Variants in ERBB4 observed in about 807,000 individuals in gnomAD.
ERBB4 encodes receptor tyrosine-protein kinase erbB-4.
In ERBB4, 42 loss-of-function variants were observed where a neutral mutation model predicts 158.0. The observed-to-expected ratio is 0.27, with a 90% CI of 0.21 to 0.34. The LOEUF is 0.34. Ranked by LOEUF, ERBB4 falls within the 10% of genes least tolerant of loss-of-function variation. ERBB4 has a pLI of 1.00. For missense variants in ERBB4, 1,333 were observed against 1,624.1 expected, an observed-to-expected ratio of 0.82 and a Z score of 3.08; for synonymous variants, 583 against 558.7, an observed-to-expected ratio of 1.04 and a Z score of -0.61.
intron 3 of ERBB4, among the ~76,000 whole-genome samples, chr2:211,795,763 G>A (rs549692073): frequency 2.5e-4 from 38 of 151,808 alleles, no homozygotes; most frequent in African/African-American, 8.9e-4. Context: ...AATTATACTT[G>A]TATCTCGTTG....
At chr2:212,058,809 T>C (rs1369770855) in intron 2 of ERBB4, among the ~76,000 whole-genome samples, 2 of 152,108 alleles carry the variant, frequency 1.3e-5, no homozygotes, top group Non-Finnish European at 2.9e-5. Context: ...TAAGAGCTTT[T>C]TATGACAAAC....
chr2:212,321,509 C>A (rs1218405632), intron 1 of ERBB4, among the ~76,000 whole-genome samples: 2 of 150,364 alleles, frequency 1.3e-5, no homozygotes, highest in Non-Finnish European at 3.0e-5. Context: ...GGCAACATAG[C>A]AAGACTTCAT....
At chr2:211,850,820 T>G (rs1160100158) in intron 3 of ERBB4, among the ~76,000 whole-genome samples, 1 of 151,962 alleles carries the variant, frequency 6.6e-6, no homozygotes, top group Non-Finnish European at 1.5e-5. Context: ...CTATCTAAAA[T>G]TATTTTTCTT....
chr2:211,712,366 C>T (rs2106082328), intron 8 of ERBB4, among the ~76,000 whole-genome samples, 190 bp from the exon 9 acceptor site: 1 of 152,236 alleles, frequency 6.6e-6, no homozygotes, highest in East Asian at 1.9e-4. Flanking sequence ...GCTTTAAAAA[C>T]TTGTCCCTGC....
intron 3 of ERBB4, among the ~76,000 whole-genome samples, chr2:211,833,809 G>C (rs1048565699): frequency 4.0e-5 from 6 of 151,818 alleles, no homozygotes; most frequent in Non-Finnish European, 8.8e-5. Flanking sequence ...GATTAGACTA[G>C]ACCTGGTCAT....
intron 1 of ERBB4, among the ~76,000 whole-genome samples, chr2:212,417,405 T>C (rs1196536674): frequency 1.3e-5 from 2 of 151,974 alleles, no homozygotes; most frequent in Non-Finnish European, 2.9e-5. Flanking sequence ...AAATCTAAAA[T>C]CTGAAATGTT....
At chr2:211,676,278 C>G (rs2072067461) in intron 13 of ERBB4, among the ~76,000 whole-genome samples, 1 of 152,098 alleles carries the variant, frequency 6.6e-6, no homozygotes, top group Non-Finnish European at 1.5e-5. Context: ...TCAAACTAGC[C>G]CCATGCTTAT....
intron 1 of ERBB4, among the ~76,000 whole-genome samples, chr2:212,154,526 TA>T (rs1345937854): frequency 4.6e-5 from 7 of 152,108 alleles, no homozygotes; most frequent in Non-Finnish European, 1.0e-4. Context: ...ACTGACATGT[TA>T]AAATAGCACA....
At chr2:211,657,910 G>A in intron 15 of ERBB4, 82 bp from the exon 16 acceptor site, 1 of 1,607,262 alleles carries the variant, frequency 6.2e-7, no homozygotes, top group South Asian at 1.1e-5. Flanking sequence ...CACACATGGA[G>A]CCTTGGAGGA....
In ERBB4 at chr2:211,382,642, C is replaced by T. The variant is rs1039389703; in HGVS notation, c.*973G>A. On this transcript the variant is annotated 3_prime_UTR_variant, in exon 28 of 28. Transcript: ENST00000342788. ...ACCCCTGAAAGTATCAGTAGTTTTC[C>T]TGAACCACAGAGAACTGTCTCTTAG... 2.6e-5 allele frequency: 6 copies of T among 232,694 alleles called. No individual in the cohort carries two copies. The highest frequency in any genetic ancestry group is 1.1e-4 in the African/African-American group (5 of 45,286). 14.4% of individuals were successfully genotyped at this position (232,694 alleles called of 1,614,324 possible).
intron 3 of ERBB4, among the ~76,000 whole-genome samples, chr2:211,878,285 C>CT (rs1261576050): frequency 6.6e-6 from 1 of 152,022 alleles, no homozygotes; most frequent in Non-Finnish European, 1.5e-5. Flanking sequence ...TTCCATTGTC[C>CT]TTTAGGCCTA....
chr2:212,404,705 A>G (rs950557795), intron 1 of ERBB4, among the ~76,000 whole-genome samples: 7 of 151,808 alleles, frequency 4.6e-5, no homozygotes, highest in Non-Finnish European at 1.0e-4. Flanking sequence ...ACATAAGTCA[A>G]CTCGTGTCAC....
chr2:211,430,835 T>C, intron 21 of ERBB4, 110 bp downstream of exon 21: 1 of 971,988 alleles, frequency 1.0e-6, no homozygotes, highest in Non-Finnish European at 1.6e-6. Flanking sequence ...GAACCAAGGC[T>C]TAATAATCTC....
chr2:212,230,144 G>C (rs2083613958), intron 1 of ERBB4, among the ~76,000 whole-genome samples: 1 of 152,128 alleles, frequency 6.6e-6, no homozygotes, highest in Non-Finnish European at 1.5e-5. Flanking sequence ...AATTAGCTGG[G>C]TGTGGTGGTG....
intron 1 of ERBB4, among the ~76,000 whole-genome samples, chr2:212,402,832 TATC>T (rs2091247227): frequency 6.6e-6 from 1 of 152,092 alleles, no homozygotes; most frequent in African/African-American, 2.4e-5. Context: ...TATCAATAAA[TATC>T]ATACCAAAAA....
At chr2:212,117,606 C>T (rs1476824263) in intron 2 of ERBB4, among the ~76,000 whole-genome samples, 4 of 152,126 alleles carry the variant, frequency 2.6e-5, no homozygotes, top group African/African-American at 9.7e-5. Context: ...CAAATTCAGG[C>T]TTGTATAGTA....
At position 212,190,214 on chromosome 2, in the gene ERBB4, C is replaced by A. The variant is rs1189424397; in HGVS notation, c.83-65311G>T. 2.8e-4 allele frequency among the ~76,000 whole-genome samples: 42 copies of A among 152,094 alleles called. 1 individual carries two copies. The highest frequency in any genetic ancestry group is 1.5e-5 in the Non-Finnish European group (1 of 68,012). On this transcript the variant is annotated intron_variant, in intron 1 of 27. Transcript: ENST00000342788. The stretch of plus-strand genomic sequence containing the variant: ...TCACTAGAGAGTTCTTTAGATGGTG[C>A]AATCAACTTAGATAATTTCTATCTT...
At chr2:211,398,224 G>A (rs1341153952) in intron 25 of ERBB4, among the ~76,000 whole-genome samples, 4 of 152,010 alleles carry the variant, frequency 2.6e-5, no homozygotes, top group Non-Finnish European at 4.4e-5. Flanking sequence ...AGCATCCAAG[G>A]TCTACCCTTT....
chr2:212,523,101 G>A (rs191453514), intron 1 of ERBB4, among the ~76,000 whole-genome samples: 6 of 122,826 alleles, frequency 4.9e-5, no homozygotes, highest in Non-Finnish European at 9.0e-5. Flanking sequence ...AAAAGTGGTA[G>A]TAAAAGAGAA....
Sources: allele counts gnomAD v4.1 joint callset (sites outside exome capture counted in the v4.1 genomes callset), GRCh38; gene constraint gnomAD v4.1.1; transcripts MANE v1.5; gene names NCBI Gene and HGNC (gene_info 2026-07-23, HGNC 2026-07-21).